Variants in EIF4A1 observed in about 807,000 individuals in gnomAD.
The protein encoded by EIF4A1 is eukaryotic initiation factor 4A-I.
A neutral mutation model predicts 53.5 loss-of-function variants in EIF4A1; 11 were observed. The observed-to-expected ratio is 0.21, with a 90% CI of 0.13 to 0.34. The LOEUF (loss-of-function observed/expected upper bound fraction) is 0.34, where lower values mean the gene tolerates loss of function less well. EIF4A1 is among the 10% of genes least tolerant of loss of function. The pLI, the probability that EIF4A1 is intolerant of heterozygous loss-of-function variation, is 1.00. For synonymous variants in EIF4A1, 237 were observed against 186.7 expected (o/e 1.27, Z -2.20); for missense variants, 213 against 530.8 (o/e 0.40, Z 5.88).
chr17:7,577,222 G>A lies in EIF4A1; in HGVS notation c.624+57G>A, dbSNP rs2071414459. The A allele has an allele frequency of 1.3e-6, 2 of 1,569,938 alleles. No individual in the cohort carries two copies. Among genetic ancestry groups the A allele is most frequent in the Non-Finnish European group, 1.7e-6 (2 of 1,160,830 alleles). ...TTCTTGAAAAATAGTAAGTGCCAGG[G>A]GAACCATATACTGGATTCTTGAGCC... On this transcript the variant is annotated intron_variant, in intron 6 of 10. Transcript: ENST00000293831. This position sits in a 1 kb window ranked among gnomAD's most constrained non-coding sequence, Gnocchi z 4.7.
rs767179329 is a variant in EIF4A1 at position 7,577,516 on chromosome 17, G to A, written c.768+29G>A. The A allele has an allele frequency of 3.7e-6, 6 of 1,613,684 alleles. No homozygotes were observed. In the South Asian group the frequency reaches 6.6e-5, roughly 18 times the overall value. ...GGGCCCAGTGCAGGAGGCGGGCCTG[G>A]TAGTGAGTTGTTGGGTATAGCCCCT... On this transcript the variant is annotated intron_variant, in intron 7 of 10. Coordinates refer to ENST00000293831, the MANE Select transcript of EIF4A1 (RefSeq NM_001416.4). The surrounding 1 kb of genome is among the most constrained non-coding windows in gnomAD (Gnocchi z 4.7).
intron 3 of EIF4A1, 155 bp from the exon 4 acceptor site, chr17:7,574,964 T>G (rs1358784539): frequency 8.8e-7 from 1 of 1,135,976 alleles, no homozygotes; most frequent in Non-Finnish European, 1.3e-6. Flanking sequence ...GTTTCTGATC[T>G]GGTTCCCATT....
intron 4 of EIF4A1, chr17:7,576,284 C>G: frequency 2.5e-6 from 1 of 405,326 alleles, no homozygotes; most frequent in Non-Finnish European, 4.3e-6. Context: ...ATCTGAGCGG[C>G]CTCATTGTGA....
intron 2 of EIF4A1, 64 bp downstream of exon 2, chr17:7,574,372 G>A (rs774281279): frequency 2.2e-5 from 35 of 1,612,280 alleles, no homozygotes; most frequent in East Asian, 4.5e-5. Flanking sequence ...TAGAGTTAGA[G>A]TGGCCTCTTG....
rs575255819 is a variant in EIF4A1, at chr17:7,578,700, CA to C, written c.*230del. The C allele has an allele frequency of 0.099, 24,723 of 248,794 alleles. 4 individuals are homozygous for C. Among genetic ancestry groups the C allele is most frequent in the East Asian group, 0.18 (2,591 of 14,540 alleles). The allele number at this position is 248,794 out of a possible 1,614,324, so 15.4% of individuals were successfully genotyped here. On this transcript the variant is annotated 3_prime_UTR_variant, in exon 11 of 11. Transcript: ENST00000293831. ...TTGCCCCAGGCGCCGGCTCTTCTCC[CA>C]AAAAAAAAAAAAAAACACTAATCCA...
rs773598477 is a variant in EIF4A1, at chr17:7,577,010, T to A, written c.515-46T>A. 4.4e-6 allele frequency: 7 copies of A among 1,605,558 alleles called. No individual in the cohort carries two copies. Among genetic ancestry groups the A allele is most frequent in the East Asian group, 2.2e-5 (1 of 44,848 alleles). On this transcript the variant is annotated intron_variant, in intron 5 of 10. Transcript: ENST00000293831. The surrounding 1 kb of genome is among the most constrained non-coding windows in gnomAD (Gnocchi z 4.7). ...CGAAGTTGGATATATCTCTCCCACA[T>A]TTCCCTAATCATATGCTATATATTG...
chr17:7,576,154 C>A, intron 4 of EIF4A1: 1 of 160,780 alleles, frequency 6.2e-6, no homozygotes, highest in Non-Finnish European at 1.4e-5. Flanking sequence ...GGGCAACGAG[C>A]AAAGCTCTGT....
chr17:7,578,277 T>TTC (rs2071430023), intron 10 of EIF4A1, 33 bp downstream of exon 10: 2 of 1,613,964 alleles, frequency 1.2e-6, no homozygotes, highest in Admixed American at 1.7e-5. Flanking sequence ...CCCCTACCCC[T>TTC]TCACACCTGG....
Position 7,577,268 on chromosome 17 carries a change from T to A in EIF4A1, c.625-76T>A. On this transcript the variant is annotated intron_variant, in intron 6 of 10. Coordinates refer to ENST00000293831, the MANE Select transcript of EIF4A1 (RefSeq NM_001416.4). This position sits in a 1 kb window ranked among gnomAD's most constrained non-coding sequence, Gnocchi z 4.7. ...GAGCCTTTTTATGCATCTGCTTCAG[T>A]TTTAGGTGTGGCTAGGGAAGGGAGC... The A allele has an allele frequency of 6.3e-7, 1 of 1,585,742 alleles. No individual in the cohort carries two copies. Among genetic ancestry groups the A allele is most frequent in the Non-Finnish European group, 8.6e-7 (1 of 1,166,338 alleles).
chr17:7,577,547 A>AT lies in EIF4A1; in HGVS notation c.769-17dup. 6.2e-7 allele frequency: 1 copy of AT among 1,612,520 alleles called. No individual in the cohort carries two copies. The highest frequency in any genetic ancestry group is 8.5e-7 in the Non-Finnish European group (1 of 1,179,102). ...AGTTGTTGGGTATAGCCCCTGACTG[A>AT]TTTTTGTCCCCCAACCTCCAGGAGT... On this transcript the variant is annotated intron_variant, in intron 7 of 10. Transcript: ENST00000293831. This position sits in a 1 kb window ranked among gnomAD's most constrained non-coding sequence, Gnocchi z 4.7.
At chr17:7,576,945 C>CT (rs1428980599) in intron 5 of EIF4A1, 111 bp from the exon 6 acceptor site, 7 of 1,401,512 alleles carry the variant, frequency 5.0e-6, no homozygotes, top group African/African-American at 1.4e-5. Flanking sequence ...TCTTTGTACT[C>CT]TGAGAGCAGA....
In EIF4A1 at chr17:7,577,497, A is replaced by G. The variant is rs772530085; in HGVS notation, c.768+10A>G. 2 of 1,614,072 alleles carry G rather than the reference A, an allele frequency of 1.2e-6. No homozygotes were observed. Among genetic ancestry groups the G allele is most frequent in the South Asian group, 2.2e-5 (2 of 91,080 alleles). ...CAACGTGGAACGAGAGGTGGGGCCC[A>G]GTGCAGGAGGCGGGCCTGGTAGTGA... is the stretch of plus-strand genomic sequence containing the variant. On this transcript the variant is annotated intron_variant, in intron 7 of 10. Coordinates refer to ENST00000293831, the MANE Select transcript of EIF4A1 (RefSeq NM_001416.4). The surrounding 1 kb of genome is among the most constrained non-coding windows in gnomAD (Gnocchi z 4.7).
At position 7,577,231 on chromosome 17, in the gene EIF4A1, T is replaced by C. The variant is rs2071414603; in HGVS notation, c.624+66T>C. The C allele has an allele frequency of 6.4e-7, 1 of 1,567,408 alleles. No individual in the cohort carries two copies. Among genetic ancestry groups the C allele is most frequent in the African/African-American group, 1.4e-5 (1 of 73,104 alleles). ...AATAGTAAGTGCCAGGGGAACCATATACTGGATTCTTGAGCCTTTTTATGC... is the reference window on the plus strand; with the variant it reads ...AATAGTAAGTGCCAGGGGAACCATACACTGGATTCTTGAGCCTTTTTATGC... On this transcript the variant is annotated intron_variant, in intron 6 of 10. Transcript: ENST00000293831. This position sits in a 1 kb window ranked among gnomAD's most constrained non-coding sequence, Gnocchi z 4.7.
intron 4 of EIF4A1, 179 bp downstream of exon 4, chr17:7,575,437 C>T: frequency 1.0e-6 from 1 of 971,394 alleles, no homozygotes; most frequent in Non-Finnish European, 1.6e-6. Context: ...CCATTGCTTC[C>T]TCCACCCATT....
rs766531674 is a variant in EIF4A1 at position 7,574,345 on chromosome 17, T to TA, written c.72+38dup. On this transcript the variant is annotated intron_variant, in intron 2 of 10. Transcript: ENST00000293831. Reference sequence around the variant, plus strand: ...GAAATGGAATTCTGTCCTCCCCCATTACAACTTTCAGCCGTATAGAGTTAG... The same window carrying TA: ...GAAATGGAATTCTGTCCTCCCCCATTAACAACTTTCAGCCGTATAGAGTTAG... 4.2e-4 allele frequency: 685 copies of TA among 1,614,108 alleles called. 2 individuals are homozygous for TA. The highest frequency in any genetic ancestry group is 3.8e-3 in the South Asian group (347 of 91,078).
At chr17:7,574,150 G>C in intron 1 of EIF4A1, 110 bp from the exon 2 acceptor site, 1 of 1,274,936 alleles carries the variant, frequency 7.8e-7, no homozygotes, top group Non-Finnish European at 1.1e-6. Flanking sequence ...GTTGGATCTG[G>C]GACAGCAGAT....
rs993027605 is a variant in EIF4A1 at position 7,577,279 on chromosome 17, G to A, written c.625-65G>A. 3.1e-6 allele frequency: 5 copies of A among 1,596,136 alleles called. No individual in the cohort carries two copies. In the African/African-American group the frequency reaches 5.4e-5, roughly 17 times the overall value. ...TGCATCTGCTTCAGTTTTAGGTGTG[G>A]CTAGGGAAGGGAGCAGGCCTCAGGA... On this transcript the variant is annotated intron_variant, in intron 6 of 10. Coordinates refer to ENST00000293831, the MANE Select transcript of EIF4A1 (RefSeq NM_001416.4). This position sits in a 1 kb window ranked among gnomAD's most constrained non-coding sequence, Gnocchi z 4.7.
rs761583563 is a variant in EIF4A1, at chr17:7,577,926, G to C, written c.996+10G>C. ...TACCACTGACCTGCTGGTGAGTAGA[G>C]GGAACTGATAGCAAAGGCAGAAGGG... On this transcript the variant is annotated intron_variant, in intron 9 of 10. Coordinates refer to ENST00000293831, the MANE Select transcript of EIF4A1 (RefSeq NM_001416.4). The surrounding 1 kb of genome is among the most constrained non-coding windows in gnomAD (Gnocchi z 4.7). 2.4e-5 allele frequency: 39 copies of C among 1,614,044 alleles called. 1 individual carries two copies. In the Middle Eastern group the frequency reaches 6.6e-4, roughly 27 times the overall value.
chr17:7,575,359 G>A, intron 4 of EIF4A1, 101 bp downstream of exon 4: 1 of 1,544,682 alleles, frequency 6.5e-7, no homozygotes. Context: ...TTGGGAGGAA[G>A]ACATGGGTGC....
Sources: gnomAD v4.1 joint callset for allele counts on GRCh38, gnomAD v4.1.1 for gene constraint, Gnocchi (gnomAD v3.1) non-coding constraint, MANE v1.5 for transcripts, NCBI Gene and HGNC (gene_info 2026-07-23, HGNC 2026-07-21) for gene names.